The following KIF6 variants were observed in gnomAD, a reference collection of about 807,000 sequenced individuals.
KIF6 encodes the protein kinesin-like protein KIF6.
Under a neutral mutation model 112.7 loss-of-function variants are expected in KIF6, and 106 were observed. The observed-to-expected ratio is 0.94, with a 90% CI of 0.80 to 1.11. KIF6 has a LOEUF of 1.11. Among genes scored for constraint, KIF6 ranks in the 50% least tolerant of loss-of-function variants. The pLI, the probability that KIF6 is intolerant of heterozygous loss-of-function variation, is 0.00. For synonymous variants in KIF6, 339 were observed against 339.9 expected (o/e 1.00, Z 0.03); for missense variants, 929 against 964.0 (o/e 0.96, Z 0.48).
chr6:39,659,176 T>C (rs546541386), intron 3 of KIF6, among the ~76,000 whole-genome samples: 27 of 152,338 alleles, frequency 1.8e-4, no homozygotes, highest in African/African-American at 5.1e-4. Context: ...GAGGTTATAT[T>C]GTACCATAAA....
intron 16 of KIF6, among the ~76,000 whole-genome samples, chr6:39,371,378 T>C (rs1362556433): frequency 1.3e-5 from 2 of 152,174 alleles, no homozygotes; most frequent in Non-Finnish European, 2.9e-5. Context: ...GCCTTCTGTC[T>C]GGGCTCCTCC....
chr6:39,366,956 T>A (rs1581688930), intron 16 of KIF6, among the ~76,000 whole-genome samples: 1 of 149,346 alleles, frequency 6.7e-6, no homozygotes, highest in South Asian at 2.1e-4. Context: ...AATGTGGAGG[T>A]GGCGCCAGGA....
At chr6:39,484,638 A>G (rs1775009287) in intron 13 of KIF6, among the ~76,000 whole-genome samples, 2 of 152,236 alleles carry the variant, frequency 1.3e-5, no homozygotes, top group Non-Finnish European at 2.9e-5. Flanking sequence ...TTGATTGATG[A>G]AAATGATTAC....
intron 14 of KIF6, among the ~76,000 whole-genome samples, chr6:39,421,774 GC>G (rs1770387654): frequency 2.6e-5 from 4 of 152,170 alleles, no homozygotes; most frequent in African/African-American, 9.7e-5. Flanking sequence ...CTCAGCGACG[GC>G]CTGTCACCTT....
chr6:39,661,729 C>G (rs1166815816), intron 3 of KIF6, among the ~76,000 whole-genome samples: 4 of 152,158 alleles, frequency 2.6e-5, no homozygotes, highest in East Asian at 3.9e-4. Flanking sequence ...CCTGGGAGAA[C>G]AAAATAAAGG....
chr6:39,541,090 T>C (rs1271465485), intron 12 of KIF6, among the ~76,000 whole-genome samples: 1 of 152,190 alleles, frequency 6.6e-6, no homozygotes, highest in African/African-American at 2.4e-5. Flanking sequence ...TAGAGAAGGC[T>C]CATTAAAATG....
At chr6:39,389,235 C>T (rs1767669297) in intron 15 of KIF6, among the ~76,000 whole-genome samples, 2 of 152,100 alleles carry the variant, frequency 1.3e-5, no homozygotes, top group South Asian at 4.1e-4. Context: ...CTGAATAAAA[C>T]CATTTTCCAT....
At chr6:39,501,511 G>A (rs913432617) in intron 13 of KIF6, among the ~76,000 whole-genome samples, 3 of 152,196 alleles carry the variant, frequency 2.0e-5, no homozygotes, top group Admixed American at 1.3e-4. Context: ...GCTTCAGAAT[G>A]TGGATAATAA....
At chr6:39,473,640 A>G (rs1454266768) in intron 13 of KIF6, among the ~76,000 whole-genome samples, 1 of 152,174 alleles carries the variant, frequency 6.6e-6, no homozygotes, top group Non-Finnish European at 1.5e-5. Flanking sequence ...AGAAAGCAAT[A>G]TGCTTTGGGG....
chr6:39,340,825 A>G (rs1235332375), intron 22 of KIF6, among the ~76,000 whole-genome samples: 3 of 152,078 alleles, frequency 2.0e-5, no homozygotes, highest in Non-Finnish European at 4.4e-5. Flanking sequence ...AGCTTAGTGA[A>G]TGTAACTTAA....
chr6:39,409,342 G>T (rs1331689836), intron 15 of KIF6, among the ~76,000 whole-genome samples: 1 of 152,184 alleles, frequency 6.6e-6, no homozygotes, highest in Admixed American at 6.5e-5. Flanking sequence ...TCAGGTAGCT[G>T]CCAGGGTCCT....
chr6:39,517,406 T>C (rs1777145690), intron 13 of KIF6, among the ~76,000 whole-genome samples: 1 of 152,156 alleles, frequency 6.6e-6, no homozygotes, highest in Non-Finnish European at 1.5e-5. Flanking sequence ...TTTGGTAGGT[T>C]CAAACTGTTG....
intron 13 of KIF6, among the ~76,000 whole-genome samples, chr6:39,513,649 G>T (rs1276772458): frequency 1.3e-5 from 2 of 152,136 alleles, no homozygotes; most frequent in Non-Finnish European, 2.9e-5. Flanking sequence ...TGGGCTTGGG[G>T]TGATATATTT....
intron 13 of KIF6, among the ~76,000 whole-genome samples, chr6:39,484,264 AATATTTATTG>A (rs1369879742): frequency 6.6e-6 from 1 of 152,206 alleles, no homozygotes; most frequent in Non-Finnish European, 1.5e-5. Context: ...TAGACCCACA[AATATTTATTG>A]AGTAGCTTGT....
chr6:39,417,206 C>T (rs954552694), intron 15 of KIF6, among the ~76,000 whole-genome samples: 2 of 152,134 alleles, frequency 1.3e-5, no homozygotes, highest in African/African-American at 2.4e-5. Flanking sequence ...TCTGAGATGT[C>T]GTGATGGCAG....
At chr6:39,524,531 C>G (rs2150531088) in intron 13 of KIF6, among the ~76,000 whole-genome samples, 1 of 152,312 alleles carries the variant, frequency 6.6e-6, no homozygotes, top group Non-Finnish European at 1.5e-5. Context: ...AAAGTACTCA[C>G]TGTCAAGCCT....
In KIF6 at chr6:39,331,625, C is replaced by G. The variant is rs551785903; in HGVS notation, c.*4907G>C. The G allele has an allele frequency of 3.9e-5, 6 of 152,234 alleles. No individual in the cohort carries two copies. Among genetic ancestry groups the G allele is most frequent in the Admixed American group, 2.0e-4 (3 of 15,292 alleles). The allele number at this position is 152,234 out of a possible 1,614,324, so 9.4% of individuals were successfully genotyped here. ...GTCTCAAACTCCTGACCTCGTGATC[C>G]GCCAGCCTCAGTCTCCCAAAGTGTT... On this transcript the variant is annotated 3_prime_UTR_variant, in exon 23 of 23. Transcript: ENST00000287152.
intron 13 of KIF6, among the ~76,000 whole-genome samples, chr6:39,510,872 C>CAAAAAAAAAAAAAAAAAAAA (rs1180631310): frequency 8.4e-5 from 2 of 23,866 alleles, no homozygotes; most frequent in Non-Finnish European, 1.5e-4. Flanking sequence ...AAATGGGAAG[C>CAAAAAAAAAAAAAAAAAAAA]AAAAAAAAAA....
At chr6:39,571,205 A>G (rs1780620968) in intron 10 of KIF6, among the ~76,000 whole-genome samples, 1 of 152,100 alleles carries the variant, frequency 6.6e-6, no homozygotes, top group African/African-American at 2.4e-5. Flanking sequence ...TATATGTGAA[A>G]CCATCACTTC....
Sources: gnomAD v4.1 joint callset for allele counts (sites outside exome capture counted in the v4.1 genomes callset) on GRCh38, gnomAD v4.1.1 for gene constraint, MANE v1.5 for transcripts, NCBI Gene and HGNC (gene_info 2026-07-23, HGNC 2026-07-21) for gene names.